PCDHA2: variants seen among roughly 807,000 people sequenced by gnomAD.
PCDHA2 encodes protocadherin alpha 2, also known as protocadherin alpha-2.
A neutral mutation model predicts 66.0 loss-of-function variants in PCDHA2; 58 were observed. The observed-to-expected ratio is 0.88, with a 90% CI of 0.71 to 1.09. The LOEUF is 1.09. PCDHA2 is among the 50% of genes least tolerant of loss of function. The probability of loss-of-function intolerance (pLI) is 0.00; values close to 1 mark genes in which losing one functional copy is unlikely to be tolerated. For synonymous variants in PCDHA2, 634 were observed against 554.0 expected, an observed-to-expected ratio of 1.14 and a Z score of -2.03; for missense variants, 1,267 against 1,242.3, an observed-to-expected ratio of 1.02 and a Z score of -0.30.
chr5:140,919,981 T>TA (rs869118855), intron 1 of PCDHA2, among the ~76,000 whole-genome samples: 2 of 133,388 alleles, frequency 1.5e-5, no homozygotes, highest in Admixed American at 7.6e-5. Flanking sequence ...AGATAGAAGA[T>TA]GGAAAACAGA....
chr5:141,007,728 G>A (rs2098342783), intron 3 of PCDHA2, among the ~76,000 whole-genome samples: 1 of 152,096 alleles, frequency 6.6e-6, no homozygotes, highest in Non-Finnish European at 1.5e-5. Context: ...GAGAACAAAG[G>A]TTAACCACTG....
chr5:140,868,252 T>C (rs1186054905), intron 1 of PCDHA2: 1 of 152,134 alleles, frequency 6.6e-6, no homozygotes. Context: ...AGACTTTTCC[T>C]TTGTGGATTC....
chr5:140,848,542 T>G (rs2150412544), intron 1 of PCDHA2: 1 of 1,595,366 alleles, frequency 6.3e-7, no homozygotes, highest in Non-Finnish European at 8.6e-7. Context: ...CCTCTACTGC[T>G]CTCGCTTCTG....
intron 1 of PCDHA2, among the ~76,000 whole-genome samples, chr5:140,939,048 A>T (rs931079281): frequency 1.3e-5 from 2 of 152,180 alleles, no homozygotes; most frequent in Admixed American, 6.5e-5. Flanking sequence ...GTCTTAGTCC[A>T]TTTGGGCTGC....
rs376600715 is a variant in PCDHA2, at chr5:140,871,207, G to A, written c.2388+73855G>A. The stretch of plus-strand genomic sequence containing the variant: ...GGATGTCAACGTGTACCTGATCATC[G>A]CCATCTGCGTGGTGTCCAGCCTCCT... On this transcript the variant is annotated intron_variant, in intron 1 of 3. Transcript: ENST00000526136. 2.2e-5 allele frequency: 36 copies of A among 1,613,642 alleles called. No individual in the cohort carries two copies. The African/African-American group carries it at 4.0e-4, about 18-fold the overall frequency.
chr5:141,008,718 T>C (rs2098388409), intron 3 of PCDHA2, among the ~76,000 whole-genome samples: 1 of 152,230 alleles, frequency 6.6e-6, no homozygotes, highest in Non-Finnish European at 1.5e-5. Context: ...TGCTTGAGTG[T>C]ATGTCCAACT....
At chr5:140,944,077 G>A (rs913476675) in intron 1 of PCDHA2, among the ~76,000 whole-genome samples, 1 of 152,204 alleles carries the variant, frequency 6.6e-6, no homozygotes, top group Non-Finnish European at 1.5e-5. Context: ...TAAAGATAAA[G>A]GAGGCCTGAG....
intron 1 of PCDHA2, chr5:140,875,349 C>G: frequency 6.9e-7 from 1 of 1,444,894 alleles, no homozygotes; most frequent in Non-Finnish European, 9.1e-7. Flanking sequence ...TCCATAATGA[C>G]TGTGATGCTG....
At chr5:140,962,384 A>G (rs1234630298) in intron 1 of PCDHA2, among the ~76,000 whole-genome samples, 7 of 152,202 alleles carry the variant, frequency 4.6e-5, no homozygotes, top group Non-Finnish European at 8.8e-5. Context: ...ATCTGTTAAT[A>G]TTACGCAATC....
chr5:140,934,001 T>A (rs2089559391), intron 1 of PCDHA2, among the ~76,000 whole-genome samples: 1 of 152,066 alleles, frequency 6.6e-6, no homozygotes, highest in Admixed American at 6.6e-5. Context: ...TCACCTCTCA[T>A]TTTTCTTGAC....
At chr5:140,811,949 T>C (rs1764997000) in intron 1 of PCDHA2, 2 of 152,210 alleles carry the variant, frequency 1.3e-5, no homozygotes, top group South Asian at 4.1e-4. Flanking sequence ...ATTCTGTAGG[T>C]TGCCTGTTCA....
intron 1 of PCDHA2, among the ~76,000 whole-genome samples, chr5:140,833,344 C>A (rs1772415330): frequency 6.6e-6 from 1 of 152,078 alleles, no homozygotes; most frequent in Admixed American, 6.6e-5. Flanking sequence ...GTGAAACATT[C>A]CAGAAAACGA....
chr5:141,001,693 G>A (rs1554258280), intron 3 of PCDHA2, among the ~76,000 whole-genome samples: 1 of 152,122 alleles, frequency 6.6e-6, no homozygotes, highest in Admixed American at 6.5e-5. Context: ...CCCACAGATG[G>A]CGAAATAGGG....
At chr5:140,822,210 A>G in intron 1 of PCDHA2, 1 of 1,614,220 alleles carries the variant, frequency 6.2e-7, no homozygotes, top group East Asian at 2.2e-5. Flanking sequence ...TAGAGTCAAG[A>G]ATGCCAGATT....
At chr5:140,823,386 C>T in intron 1 of PCDHA2, 1 of 1,612,766 alleles carries the variant, frequency 6.2e-7, no homozygotes, top group Non-Finnish European at 8.5e-7. Context: ...TGAGCGCGCG[C>T]GACGCGGGCG....
At chr5:141,003,123 T>C (rs1387983867) in intron 3 of PCDHA2, among the ~76,000 whole-genome samples, 1 of 152,240 alleles carries the variant, frequency 6.6e-6, no homozygotes, top group Non-Finnish European at 1.5e-5. Flanking sequence ...GGCCCTTTCC[T>C]GGCATTTGCC....
At chr5:140,797,972 C>T (rs548221555) in intron 1 of PCDHA2, among the ~76,000 whole-genome samples, 1 of 152,270 alleles carries the variant, frequency 6.6e-6, no homozygotes, top group Non-Finnish European at 1.5e-5. Flanking sequence ...CTTGCCTCAG[C>T]CTCCTTAGTA....
At position 140,843,039 on chromosome 5, in the gene PCDHA2, C is replaced by T; in HGVS notation, c.2388+45687C>T. 4.4e-6 allele frequency: 7 copies of T among 1,595,204 alleles called. 1 individual carries two copies. The highest frequency in any genetic ancestry group is 6.0e-6 in the Non-Finnish European group (7 of 1,165,364). ...CTGCTGGAGCCTCGGGTGGGTGGCA[C>T]TGGTGGCGCAGCGAGCAAGCTGGTG... On this transcript the variant is annotated intron_variant, in intron 1 of 3. Coordinates refer to ENST00000526136, the MANE Select transcript of PCDHA2 (RefSeq NM_018905.3).
intron 1 of PCDHA2, chr5:140,929,720 C>A (rs146702581): frequency 4.5e-6 from 1 of 224,040 alleles, no homozygotes; most frequent in Admixed American, 5.9e-5. Context: ...GAAGGTGAAA[C>A]ATTTACTTAA....
Sources: gnomAD v4.1 joint callset for allele counts (sites outside exome capture counted in the v4.1 genomes callset) on GRCh38, gnomAD v4.1.1 for gene constraint, MANE v1.5 for transcripts, NCBI Gene and HGNC (gene_info 2026-07-23, HGNC 2026-07-21) for gene names.